The following RSC1A1 variants were observed in gnomAD, a reference collection of about 807,000 sequenced individuals.
RSC1A1 encodes the protein regulator of solute carriers 1, also known as regulatory solute carrier protein family 1 member 1.
Under a neutral mutation model 7.7 loss-of-function variants are expected in RSC1A1, and 6 were observed. The ratio of observed to expected loss-of-function variants is 0.78; its 90% CI spans 0.43 to 1.53. The LOEUF is 1.53. RSC1A1 is among the 40% of genes most tolerant of loss of function. RSC1A1 has a pLI of 0.01. For missense variants in RSC1A1, 729 were observed against 726.3 expected (o/e 1.00, Z -0.04); for synonymous variants, 250 against 263.0 (o/e 0.95, Z 0.48).
At position 15,661,750 on chromosome 1, in the gene RSC1A1, C is replaced by T. The variant is rs748636926; in HGVS notation, c.*28C>T. Reference sequence around the variant, plus strand: ...GTGGGAAAGTGGGCTAGACCGTTCTCCATTCCCTTTAAACAAAAGAAAGCT... The same window carrying T: ...GTGGGAAAGTGGGCTAGACCGTTCTTCATTCCCTTTAAACAAAAGAAAGCT... On this transcript the variant is annotated 3_prime_UTR_variant, in exon 1 of 1. Coordinates refer to ENST00000345034, the MANE Select transcript of RSC1A1 (RefSeq NM_006511.3). The T allele has an allele frequency of 1.9e-6, 3 of 1,569,496 alleles. No homozygotes were observed. Among genetic ancestry groups the T allele is most frequent in the Non-Finnish European group, 1.7e-6 (2 of 1,158,842 alleles).
Position 15,661,357 on chromosome 1 carries a change from T to C in RSC1A1, c.1489T>C (p.Leu497=). Residue 497 remains leucine, a synonymous_variant, in exon 1 of 1, where the codon TTA becomes CTA. Transcript: ENST00000345034. ...AGGTGTAGAAATTTCACCCAAACTT[T>C]TAGCAGGTGAGGAGGATGCACTCAA... ...TLGVEISPKL[L]AGEEDALNQT... is the part of the protein sequence containing the mutation. 6.2e-7 allele frequency: 1 copy of C among 1,614,130 alleles called. No individual in the cohort carries two copies. Among genetic ancestry groups the C allele is most frequent in the East Asian group, 2.2e-5 (1 of 44,882 alleles).
rs573068732 is a variant in RSC1A1 at position 15,660,278 on chromosome 1, C to G, written c.410C>G (p.Ser137Cys). The part of the protein sequence containing the change: ...TRQEASLSVT[S>C]TRMHEPQMFL... ...CAGGAAGCTAGTTTATCTGTCACAT[C>G]TACTAGGATGCATGAACCACAGATG... The change falls in exon 1 of 1, where the codon TCT (serine) becomes TGT (cysteine). Residue 137 changes from serine to cysteine, a missense_variant. Ser to Cys is a moderately radical substitution (Grantham distance 112). Coordinates refer to ENST00000345034, the MANE Select transcript of RSC1A1 (RefSeq NM_006511.3). The G allele has an allele frequency of 4.3e-6, 7 of 1,614,190 alleles. No homozygotes were observed. The South Asian group carries it at 7.7e-5, about 18-fold the overall frequency.
rs762598808 is a variant in RSC1A1 at position 15,661,108 on chromosome 1, G to A, written c.1240G>A (p.Val414Ile). The change falls in exon 1 of 1, where the codon GTC becomes ATC. Residue 414 changes from valine (V) to isoleucine (I), a missense_variant. Physicochemically the swap from Val to Ile is conservative, Grantham distance 29 (BLOSUM62 3). Coordinates refer to ENST00000345034, the MANE Select transcript of RSC1A1 (RefSeq NM_006511.3). ...HLTQNEQCPQ[V>I]SFHQAISVSV... The stretch of plus-strand genomic sequence containing the variant: ...TACCCAGAATGAACAGTGTCCACAA[G>A]TCTCCTTTCATCAGGCCATATCTGT... The A allele has an allele frequency of 6.2e-7, 1 of 1,613,820 alleles. No homozygotes were observed. The highest frequency in any genetic ancestry group is 8.5e-7 in the Non-Finnish European group (1 of 1,179,910).
Position 15,661,591 on chromosome 1 carries a change from A to G in RSC1A1, c.1723A>G (p.Thr575Ala). Residue 575 changes from threonine to alanine, a missense_variant, in exon 1 of 1, where the codon ACA becomes GCA. Thr to Ala is a moderately conservative substitution (Grantham distance 58, BLOSUM62 0). Coordinates refer to ENST00000345034, the MANE Select transcript of RSC1A1 (RefSeq NM_006511.3). ...AILPPLIFPA[T>A]DIDRILRAGF... ...TCTTCCACCATTGATTTTTCCTGCC[A>G]CAGATATTGACCGCATTCTCCGTGC... 1 of 1,614,114 alleles carries G rather than the reference A, an allele frequency of 6.2e-7. No individual in the cohort carries two copies. The highest frequency in any genetic ancestry group is 1.1e-5 in the South Asian group (1 of 91,080).
Position 15,659,721 on chromosome 1 carries a change from C to A in RSC1A1, c.-148C>A. 1 of 1,061,206 alleles carries A rather than the reference C, an allele frequency of 9.4e-7. No individual in the cohort carries two copies. Among genetic ancestry groups the A allele is most frequent in the Non-Finnish European group, 1.3e-6 (1 of 778,762 alleles). The allele number at this position is 1,061,206 out of a possible 1,614,324, so 65.7% of individuals were successfully genotyped here. ...ATCATTTCTATTTGTGTAAGAGAAA[C>A]CCGAGTTTGAGGACCTTATTTTATT... On this transcript the variant is annotated 5_prime_UTR_variant, in exon 1 of 1. Transcript: ENST00000345034.
rs779055774 is a variant in RSC1A1, at chr1:15,661,141, G to A, written c.1273G>A (p.Glu425Lys). The change falls in exon 1 of 1, where the codon GAG becomes AAG. Residue 425 changes from glutamate (E) to lysine (K), a missense_variant. Glu to Lys is a moderately conservative substitution (Grantham distance 56). Coordinates refer to ENST00000345034, the MANE Select transcript of RSC1A1 (RefSeq NM_006511.3). The part of the protein sequence containing the change: ...SFHQAISVSV[E>K]TEKLTGTSSD... ...TCATCAGGCCATATCTGTATCAGTG[G>A]AGACAGAAAAATTAACAGGTACTTC... is the stretch of plus-strand genomic sequence containing the variant. 1.9e-6 allele frequency: 3 copies of A among 1,613,880 alleles called. No homozygotes were observed. The African/African-American group carries it at 4.0e-5, about 22-fold the overall frequency.
At position 15,660,613 on chromosome 1, in the gene RSC1A1, A is replaced by C. The variant is rs1161797660; in HGVS notation, c.745A>C (p.Met249Leu). 6.2e-7 allele frequency: 1 copy of C among 1,614,124 alleles called. No individual in the cohort carries two copies. Among genetic ancestry groups the C allele is most frequent in the Admixed American group, 1.7e-5 (1 of 60,006 alleles). ...TGGCTGCTCAAATTCAGAAACATTT[A>C]TGGAAATCGATACAGCTCAACAGTC... ...CSGCSNSETF[M>L]EIDTAQQSLV... Residue 249 changes from methionine (M) to leucine (L), a missense_variant, in exon 1 of 1, where the codon ATG (methionine) becomes CTG (leucine). Coordinates refer to ENST00000345034, the MANE Select transcript of RSC1A1 (RefSeq NM_006511.3).
rs1346766467 is a variant in RSC1A1, at chr1:15,660,067, G to C, written c.199G>C (p.Glu67Gln). The C allele has an allele frequency of 1.2e-6, 2 of 1,613,758 alleles. No homozygotes were observed. The highest frequency in any genetic ancestry group is 1.7e-6 in the Non-Finnish European group (2 of 1,179,948). Reference sequence around the variant, plus strand: ...TTCAGCTGAATTCCAGCTAAACTCTGAAAAGAAAGAACATCTTTCTTTACA... The same window carrying C: ...TTCAGCTGAATTCCAGCTAAACTCTCAAAAGAAAGAACATCTTTCTTTACA... The part of the protein sequence containing the change: ...KASAEFQLNS[E>Q]KKEHLSLQDL... The change falls in exon 1 of 1, where the codon GAA (glutamate) becomes CAA (glutamine). Residue 67 changes from glutamate to glutamine, a missense_variant. Physicochemically the swap from Glu to Gln is conservative, Grantham distance 29. Transcript: ENST00000345034.
rs199584490 is a variant in RSC1A1, at chr1:15,660,726, G to C, written c.858G>C (p.Leu286Phe). 6.2e-7 allele frequency: 1 copy of C among 1,613,812 alleles called. No individual in the cohort carries two copies. Residue 286 changes from leucine (L) to phenylalanine (F), a missense_variant, in exon 1 of 1, where the codon TTG becomes TTC. Transcript: ENST00000345034. The part of the protein sequence containing the change: ...GALDLTLDNP[L>F]MEVETSKCNP... Reference sequence around the variant, plus strand: ...TGGATCTCACTTTAGATAATCCCTTGATGGAAGTAGAAACATCAAAATGTA... The same window carrying C: ...TGGATCTCACTTTAGATAATCCCTTCATGGAAGTAGAAACATCAAAATGTA...
the RSC1A1 span, chr1:15,660,936 G>GAA: frequency 6.2e-7 from 1 of 1,613,132 alleles, no homozygotes; most frequent in Admixed American, 1.7e-5. Context: ...CGGCAGCCTT[G>GAA]AAAGAACTTC....
Position 15,660,524 on chromosome 1 carries a change from A to G in RSC1A1, c.656A>G (p.Asn219Ser), listed in dbSNP as rs1640352579. Residue 219 changes from asparagine to serine, a missense_variant, in exon 1 of 1, where the codon AAT (asparagine) becomes AGT (serine). By Grantham distance (46) the Asn-to-Ser change is conservative (BLOSUM62 1). Transcript: ENST00000345034. ...GATTTGGAAGCTACGATGAAAGGAA[A>G]TGGGCTCCCACAGAATGTGGATCCT... ...IVDLEATMKG[N>S]GLPQNVDPPS... is the part of the protein sequence containing the mutation. The G allele has an allele frequency of 1.2e-6, 2 of 1,613,400 alleles. No homozygotes were observed. Among genetic ancestry groups the G allele is most frequent in the African/African-American group, 1.3e-5 (1 of 74,876 alleles).
the RSC1A1 span, chr1:15,660,441 T>A: frequency 1.9e-5 from 31 of 1,613,974 alleles, no homozygotes; most frequent in Admixed American, 5.0e-4. Flanking sequence ...AATATCTTTG[T>A]AACATAGGGG....
Position 15,659,815 on chromosome 1 carries a change from C to T in RSC1A1, c.-54C>T, listed in dbSNP as rs1211243239. ...AGTCACCTGCTAATTAATCTTTTTC[C>T]TTTCCCCTGTGTTCCATATAGAGAA... is the stretch of plus-strand genomic sequence containing the variant. On this transcript the variant is annotated 5_prime_UTR_variant, in exon 1 of 1. Transcript: ENST00000345034. 2.0e-6 allele frequency: 3 copies of T among 1,486,222 alleles called. No homozygotes were observed. 92.1% of individuals were successfully genotyped at this position (1,486,222 alleles called of 1,614,324 possible). A position where few individuals can be genotyped will look rare whatever the true frequency, so the allele number is the denominator to read the frequency against.
chr1:15,661,482 C>G lies in RSC1A1; in HGVS notation c.1614C>G (p.Thr538=). The G allele has an allele frequency of 6.2e-7, 1 of 1,613,856 alleles. No homozygotes were observed. The highest frequency in any genetic ancestry group is 8.5e-7 in the Non-Finnish European group (1 of 1,179,876). Residue 538 remains threonine (T), a synonymous_variant, in exon 1 of 1, where the codon ACC becomes ACG. Transcript: ENST00000345034. ...ATTCAGTAACAGACAGGCCTGAAACCAGAGAAAATGTCTGTCCTGATGCTT... is the reference window on the plus strand; with the variant it reads ...ATTCAGTAACAGACAGGCCTGAAACGAGAGAAAATGTCTGTCCTGATGCTT... ...IQNSVTDRPE[T]RENVCPDASR...
Position 15,660,539 on chromosome 1 carries a change from A to G in RSC1A1, c.671A>G (p.Asn224Ser), listed in dbSNP as rs549246489. Residue 224 changes from asparagine (N) to serine (S), a missense_variant, in exon 1 of 1, where the codon AAT (asparagine) becomes AGT (serine). Physicochemically the swap from Asn to Ser is conservative, Grantham distance 46. Transcript: ENST00000345034. ...ATGAAAGGAAATGGGCTCCCACAGAATGTGGATCCTCCAAGTGCGAAGAAA... is the reference window on the plus strand; with the variant it reads ...ATGAAAGGAAATGGGCTCCCACAGAGTGTGGATCCTCCAAGTGCGAAGAAA... ...ATMKGNGLPQ[N>S]VDPPSAKKSI... 1.4e-5 allele frequency: 22 copies of G among 1,613,160 alleles called. No individual in the cohort carries two copies. In the East Asian group the frequency reaches 4.7e-4, roughly 34 times the overall value.
chr1:15,660,872 G>A lies in RSC1A1; in HGVS notation c.1004G>A (p.Cys335Tyr). The A allele has an allele frequency of 1.2e-6, 2 of 1,614,164 alleles. No homozygotes were observed. Among genetic ancestry groups the A allele is most frequent in the Non-Finnish European group, 1.7e-6 (2 of 1,180,030 alleles). Residue 335 changes from cysteine to tyrosine, a missense_variant, in exon 1 of 1, where the codon TGT becomes TAT. By Grantham distance (194) the Cys-to-Tyr change is radical (BLOSUM62 -2). Transcript: ENST00000345034. ...EYGHYSSPSL[C>Y]GSCQPSVESA... ...GGCCATTACTCCTCTCCAAGTCTCT[G>A]TGGCAGTTGTCAGCCTTCTGTGGAG...
chr1:15,659,957 C>G lies in RSC1A1; in HGVS notation c.89C>G (p.Ala30Gly), dbSNP rs752127493. Reference protein sequence around the residue: ...SPDVGNPMSLARSVSASVCPI... With the variant: ...SPDVGNPMSLGRSVSASVCPI... ...GATGTTGGTAATCCTATGAGTCTTG[C>G]TCGCTCTGTCTCTGCTTCAGTCTGC... The change falls in exon 1 of 1, where the codon GCT becomes GGT. Residue 30 changes from alanine to glycine, a missense_variant. Coordinates refer to ENST00000345034, the MANE Select transcript of RSC1A1 (RefSeq NM_006511.3). The G allele has an allele frequency of 6.2e-7, 1 of 1,614,200 alleles. No individual in the cohort carries two copies. Among genetic ancestry groups the G allele is most frequent in the South Asian group, 1.1e-5 (1 of 91,084 alleles).
In RSC1A1 at chr1:15,660,574, T is replaced by C. The variant is rs146866414; in HGVS notation, c.706T>C (p.Ser236Pro). Residue 236 changes from serine (S) to proline (P), a missense_variant, in exon 1 of 1, where the codon TCT becomes CCT. Physicochemically the swap from Ser to Pro is moderately conservative, Grantham distance 74. Transcript: ENST00000345034. Reference sequence around the variant, plus strand: ...TCCAAGTGCGAAGAAAAGTATTCCATCTTCAGAATGCAGTGGCTGCTCAAA... The same window carrying C: ...TCCAAGTGCGAAGAAAAGTATTCCACCTTCAGAATGCAGTGGCTGCTCAAA... ...DPPSAKKSIP[S>P]SECSGCSNSE... 1.9e-5 allele frequency: 31 copies of C among 1,613,730 alleles called. No homozygotes were observed. The East Asian group carries it at 5.1e-4, about 27-fold the overall frequency.
chr1:15,660,675 T>C lies in RSC1A1; in HGVS notation c.807T>C (p.Asn269=), dbSNP rs147683810. ...TGCTTAATTCAACAGGCAGGCAGAA[T>C]GCCAATGTCAAGAACATTGGTGCAT... ...VTLLNSTGRQ[N]ANVKNIGALD... is the part of the protein sequence containing the mutation. The change falls in exon 1 of 1, where the codon AAT becomes AAC. Residue 269 remains asparagine, a synonymous_variant. Coordinates refer to ENST00000345034, the MANE Select transcript of RSC1A1 (RefSeq NM_006511.3). 1.9e-6 allele frequency: 3 copies of C among 1,614,232 alleles called. No individual in the cohort carries two copies. The highest frequency in any genetic ancestry group is 2.5e-6 in the Non-Finnish European group (3 of 1,180,046).
Sources: allele counts gnomAD v4.1 joint callset, GRCh38; gene constraint gnomAD v4.1.1; transcripts MANE v1.5; gene names NCBI Gene and HGNC (gene_info 2026-07-23, HGNC 2026-07-21).